Variants in CAPN7 observed in about 807,000 individuals in gnomAD.
CAPN7 encodes calpain-7.
A neutral mutation model predicts 115.2 loss-of-function variants in CAPN7; 72 were observed. The observed-to-expected ratio is 0.63, with a 90% CI of 0.52 to 0.76. CAPN7 has a LOEUF of 0.76. Ranked by LOEUF, CAPN7 falls within the 30% of genes least tolerant of loss-of-function variation. The probability of loss-of-function intolerance (pLI) is 0.00; values close to 1 mark genes in which losing one functional copy is unlikely to be tolerated. For missense variants in CAPN7, 905 were observed against 971.5 expected, an observed-to-expected ratio of 0.93 and a Z score of 0.91; for synonymous variants, 344 against 322.3, an observed-to-expected ratio of 1.07 and a Z score of -0.72.
At chr3:15,217,267 G>A (rs1693683456) in intron 2 of CAPN7, among the ~76,000 whole-genome samples, 158 bp from the exon 3 acceptor site, 1 of 144,970 alleles carries the variant, frequency 6.9e-6, no homozygotes, top group African/African-American at 2.8e-5. Flanking sequence ...AAAGAAGGGA[G>A]GAAATTTGTC....
intron 6 of CAPN7, among the ~76,000 whole-genome samples, chr3:15,226,326 A>G (rs1470271272): frequency 6.6e-6 from 1 of 152,108 alleles, no homozygotes; most frequent in Admixed American, 6.6e-5. Context: ...CGCCCGCCTC[A>G]GCCTCCCAAA....
chr3:15,225,684 A>G (rs1419200589), intron 6 of CAPN7, among the ~76,000 whole-genome samples: 2 of 152,162 alleles, frequency 1.3e-5, no homozygotes, highest in Non-Finnish European at 2.9e-5. Context: ...CTGCTACTCT[A>G]GCATATAAAC....
At chr3:15,232,462 A>G in intron 9 of CAPN7, 57 bp from the exon 10 acceptor site, 1 of 1,382,936 alleles carries the variant, frequency 7.2e-7, no homozygotes, top group Middle Eastern at 1.9e-4. Context: ...ATTTCTTGAT[A>G]GAAAGGATTT....
intron 9 of CAPN7, 77 bp from the exon 10 acceptor site, chr3:15,232,442 G>A (rs977290369): frequency 5.0e-5 from 58 of 1,150,152 alleles, no homozygotes; most frequent in African/African-American, 9.6e-5. Flanking sequence ...AGTATGAAAG[G>A]TATGTTTTTA....
intron 19 of CAPN7, among the ~76,000 whole-genome samples, chr3:15,247,850 TAAA>T (rs1278367464): frequency 3.9e-5 from 6 of 152,162 alleles, no homozygotes; most frequent in African/African-American, 1.4e-4. Flanking sequence ...TTTTAAAAAA[TAAA>T]AACACATTCA....
chr3:15,232,239 T>C (rs531851624), intron 9 of CAPN7: 26 of 347,186 alleles, frequency 7.5e-5, no homozygotes, highest in South Asian at 6.8e-4. Flanking sequence ...ATTTTTTATT[T>C]CAGATGCTCA....
chr3:15,246,559 G>C (rs1301028298), intron 17 of CAPN7, 173 bp from the exon 18 acceptor site: 3 of 584,610 alleles, frequency 5.1e-6, no homozygotes, highest in Non-Finnish European at 6.1e-6. Flanking sequence ...AGAAAGCCAA[G>C]ACCAGACCCC....
intron 6 of CAPN7, among the ~76,000 whole-genome samples, chr3:15,227,068 G>A (rs1694361758): frequency 6.6e-6 from 1 of 150,562 alleles, no homozygotes. Context: ...AAGCACAGAG[G>A]TTCTAGAGCA....
At chr3:15,233,826 GA>G (rs773882830) in intron 10 of CAPN7, 40 bp from the exon 11 acceptor site, 27 of 1,068,400 alleles carry the variant, frequency 2.5e-5, no homozygotes, top group Non-Finnish European at 3.9e-5. Context: ...TTAAGAACTT[GA>G]AAATGACACT....
At chr3:15,248,159 AAAACTT>A (rs1166918641) in intron 19 of CAPN7, among the ~76,000 whole-genome samples, 9 of 152,130 alleles carry the variant, frequency 5.9e-5, no homozygotes, top group African/African-American at 2.2e-4. Flanking sequence ...CATGTACCCT[AAAACTT>A]AAAGTATAAT....
chr3:15,247,625 A>C lies in CAPN7; in HGVS notation c.2204+168A>C, dbSNP rs77841922. On this transcript the variant is annotated intron_variant, in intron 19 of 20. Coordinates refer to ENST00000253693, the MANE Select transcript of CAPN7 (RefSeq NM_014296.3). Reference sequence around the variant, plus strand: ...ATCTTTTCAATAAATGGTATGGAATAATTGAGTATCCATGTGTAAAAAGGG... The same window carrying C: ...ATCTTTTCAATAAATGGTATGGAATCATTGAGTATCCATGTGTAAAAAGGG... Among the ~76,000 whole-genome samples, 779 of 152,326 alleles carry C rather than the reference A, an allele frequency of 5.1e-3. 19 individuals carry two copies. The highest frequency in any genetic ancestry group is 0.037 in the Admixed American group (559 of 15,298).
chr3:15,238,333 C>G (rs1340853487), intron 12 of CAPN7, among the ~76,000 whole-genome samples: 1 of 151,822 alleles, frequency 6.6e-6, no homozygotes, highest in Non-Finnish European at 1.5e-5. Flanking sequence ...CCAGGATGGT[C>G]TCGATCTCCT....
At chr3:15,206,766 G>A (rs1026638569) in intron 1 of CAPN7, among the ~76,000 whole-genome samples, 169 bp downstream of exon 1, 6 of 152,236 alleles carry the variant, frequency 3.9e-5, no homozygotes, top group African/African-American at 1.2e-4. Context: ...GAGTGCAGAG[G>A]CCGACGCTGA....
chr3:15,231,137 G>A (rs1028758492), intron 9 of CAPN7, among the ~76,000 whole-genome samples: 14 of 152,134 alleles, frequency 9.2e-5, no homozygotes, highest in Admixed American at 2.6e-4. Flanking sequence ...CAGAATCTGC[G>A]TTTCACCTAG....
chr3:15,227,901 G>T lies in CAPN7; in HGVS notation c.788G>T (p.Arg263Leu). ...AAAACTACATTTTCCAAGTGGGTACGACCAGAAGACCTCACCAACAATCCT... is the reference window on the plus strand; with the variant it reads ...AAAACTACATTTTCCAAGTGGGTACTACCAGAAGACCTCACCAACAATCCT... ...KQKTTFSKWV[R>L]PEDLTNNPTM... is the part of the protein sequence containing the mutation. Residue 263 changes from arginine to leucine, a missense_variant, in exon 7 of 21, where the codon CGA becomes CTA. Arg to Leu is a moderately radical substitution (Grantham distance 102). Coordinates refer to ENST00000253693, the MANE Select transcript of CAPN7 (RefSeq NM_014296.3). 1 of 1,550,100 alleles carries T rather than the reference G, an allele frequency of 6.5e-7. No homozygotes were observed.
At chr3:15,212,010 T>A in intron 1 of CAPN7, 94 bp from the exon 2 acceptor site, 1 of 556,658 alleles carries the variant, frequency 1.8e-6, no homozygotes. Flanking sequence ...TCTTGTTTTG[T>A]CATTCATGGA....
At chr3:15,237,509 T>G (rs1695062767) in intron 12 of CAPN7, among the ~76,000 whole-genome samples, 1 of 152,186 alleles carries the variant, frequency 6.6e-6, no homozygotes, top group African/African-American at 2.4e-5. Flanking sequence ...CTTTCTAAAT[T>G]AGCTGGTCAG....
intron 4 of CAPN7, among the ~76,000 whole-genome samples, chr3:15,220,531 A>T (rs2124913340): frequency 6.6e-6 from 1 of 152,348 alleles, no homozygotes; most frequent in South Asian, 2.1e-4. Context: ...CTTTTATACC[A>T]CTTACCTTAC....
intron 17 of CAPN7, 127 bp from the exon 18 acceptor site, chr3:15,246,605 G>T: frequency 1.5e-6 from 1 of 679,904 alleles, no homozygotes. Context: ...AACCTGACCT[G>T]ATACTAGGCT....
Sources: gnomAD v4.1 joint callset for allele counts (sites outside exome capture counted in the v4.1 genomes callset) on GRCh38, gnomAD v4.1.1 for gene constraint, MANE v1.5 for transcripts, NCBI Gene and HGNC (gene_info 2026-07-23, HGNC 2026-07-21) for gene names.